GALNT13: variants seen among roughly 807,000 people sequenced by gnomAD.
The protein encoded by GALNT13 is UDP-GalNAc:polypeptide N-acetylgalactosaminyltransferase 13.
GALNT13 carries 28 observed loss-of-function variants against 64.2 expected under a neutral mutation model. The ratio of observed to expected loss-of-function variants is 0.44; its 90% CI spans 0.32 to 0.60. GALNT13 has a LOEUF of 0.60. GALNT13 is among the 20% of genes least tolerant of loss of function. GALNT13 has a pLI of 0.05. For missense variants in GALNT13, 577 were observed against 669.8 expected, an observed-to-expected ratio of 0.86 and a Z score of 1.53; for synonymous variants, 214 against 224.6, an observed-to-expected ratio of 0.95 and a Z score of 0.42.
chr2:153,923,810 G>T (rs1689923035), intron 2 of GALNT13, among the ~76,000 whole-genome samples: 1 of 149,898 alleles, frequency 6.7e-6, no homozygotes, highest in Non-Finnish European at 1.5e-5. Context: ...TTGTCCTTGT[G>T]ATAGTTTGCT....
the GALNT13 span, among the ~76,000 whole-genome samples, chr2:153,714,829 G>C: frequency 6.6e-6 from 1 of 152,114 alleles, no homozygotes; most frequent in East Asian, 1.9e-4. Flanking sequence ...AAAGAAAACA[G>C]AGTAATACTA....
the GALNT13 span, among the ~76,000 whole-genome samples, chr2:153,122,045 GTA>G: frequency 2.6e-5 from 4 of 152,080 alleles, no homozygotes; most frequent in African/African-American, 9.7e-5. Context: ...TGTCATGTGT[GTA>G]TAGTGTTTCA....
chr2:153,439,841 G>A, the GALNT13 span, among the ~76,000 whole-genome samples: 52 of 152,206 alleles, frequency 3.4e-4, 1 homozygote, highest in South Asian at 5.0e-3. Context: ...TCCACTGTCC[G>A]GCACTCCCCA....
the GALNT13 span, among the ~76,000 whole-genome samples, chr2:153,162,800 A>C: frequency 6.6e-6 from 1 of 152,220 alleles, no homozygotes; most frequent in African/African-American, 2.4e-5. Context: ...TCTGACCATG[A>C]GATTCAAATT....
the GALNT13 span, among the ~76,000 whole-genome samples, chr2:153,206,124 G>T: frequency 6.6e-6 from 1 of 151,976 alleles, no homozygotes; most frequent in Non-Finnish European, 1.5e-5. Context: ...AGTCAATAGA[G>T]CCAAAAGTAC....
chr2:153,485,612 A>G, the GALNT13 span, among the ~76,000 whole-genome samples: 1 of 152,190 alleles, frequency 6.6e-6, no homozygotes, highest in Non-Finnish European at 1.5e-5. Context: ...AAAGGAAAAT[A>G]TATTACTGGG....
At chr2:154,141,448 G>A (rs1431758786) in intron 4 of GALNT13, among the ~76,000 whole-genome samples, 1 of 151,794 alleles carries the variant, frequency 6.6e-6, no homozygotes, top group Non-Finnish European at 1.5e-5. Context: ...TATTCTATTA[G>A]TTTTTTTCCA....
intron 3 of GALNT13, among the ~76,000 whole-genome samples, chr2:154,095,594 C>A (rs1352218362): frequency 6.6e-6 from 1 of 151,836 alleles, no homozygotes; most frequent in East Asian, 1.9e-4. Flanking sequence ...CCTATGGTTT[C>A]CCTACAGAAG....
the GALNT13 span, among the ~76,000 whole-genome samples, chr2:153,142,343 GTA>G: frequency 6.6e-6 from 1 of 152,032 alleles, no homozygotes; most frequent in South Asian, 2.1e-4. Context: ...ATTGCTGGAA[GTA>G]ATTGAAGATG....
chr2:153,672,907 C>A, the GALNT13 span, among the ~76,000 whole-genome samples: 3 of 151,878 alleles, frequency 2.0e-5, no homozygotes, highest in Non-Finnish European at 2.9e-5. Flanking sequence ...ATACAAACTA[C>A]CATCAGAGAA....
chr2:153,412,177 A>G, the GALNT13 span, among the ~76,000 whole-genome samples: 10 of 152,086 alleles, frequency 6.6e-5, no homozygotes, highest in Non-Finnish European at 1.5e-4. Flanking sequence ...TGTGAGACCT[A>G]TATCTATCTA....
the GALNT13 span, among the ~76,000 whole-genome samples, chr2:153,653,788 A>C: frequency 1.3e-5 from 2 of 152,170 alleles, no homozygotes; most frequent in African/African-American, 2.4e-5. Flanking sequence ...TTTTCTGCCT[A>C]TCTTATATGA....
chr2:153,892,950 G>T (rs999547378), intron 1 of GALNT13, among the ~76,000 whole-genome samples: 1 of 151,994 alleles, frequency 6.6e-6, no homozygotes, highest in Non-Finnish European at 1.5e-5. Context: ...ATCCAGAGTG[G>T]CCTAAAGAAA....
At chr2:153,905,747 T>A (rs1451927794) in intron 2 of GALNT13, among the ~76,000 whole-genome samples, 1 of 152,040 alleles carries the variant, frequency 6.6e-6, no homozygotes, top group Non-Finnish European at 1.5e-5. Flanking sequence ...CTTTTTCCCT[T>A]TATTATTTTC....
the GALNT13 span, among the ~76,000 whole-genome samples, chr2:153,077,840 G>C: frequency 6.6e-6 from 1 of 152,204 alleles, no homozygotes; most frequent in East Asian, 1.9e-4. Context: ...GGTCTAATTG[G>C]TTTGTTTGCT....
At chr2:153,766,659 T>C in the GALNT13 span, among the ~76,000 whole-genome samples, 1 of 152,148 alleles carries the variant, frequency 6.6e-6, no homozygotes, top group Non-Finnish European at 1.5e-5. Context: ...ATTGCACTTT[T>C]TCTTACATCC....
chr2:153,887,473 A>AAGTGAAGTAGAAACAGTAAAACTGTGTT (rs1687260402), intron 1 of GALNT13, among the ~76,000 whole-genome samples: 2 of 151,696 alleles, frequency 1.3e-5, no homozygotes, highest in Non-Finnish European at 2.9e-5. Context: ...GACTGAAGCC[A>AAGTGAAGTAGAAACAGTAAAACTGTGTT]AGTGAAGTAG....
chr2:153,817,497 A>G, the GALNT13 span, among the ~76,000 whole-genome samples: 1 of 152,112 alleles, frequency 6.6e-6, no homozygotes. Context: ...AAATCCTGTT[A>G]GGATGGTTTA....
the GALNT13 span, among the ~76,000 whole-genome samples, chr2:153,710,763 A>T: frequency 6.6e-6 from 1 of 152,062 alleles, no homozygotes; most frequent in Non-Finnish European, 1.5e-5. Context: ...TATCATATAC[A>T]TTGGGAACTA....
Sources: gnomAD v4.1 joint callset for allele counts (sites outside exome capture counted in the v4.1 genomes callset) on GRCh38, gnomAD v4.1.1 for gene constraint, MANE v1.5 for transcripts, NCBI Gene and HGNC (gene_info 2026-07-23, HGNC 2026-07-21) for gene names.